The following APTX variants were observed in gnomAD, a reference collection of about 807,000 sequenced individuals.
APTX encodes the protein forkhead-associated domain histidine triad-like protein.
APTX carries 33 observed loss-of-function variants against 42.3 expected under a neutral mutation model. That is an observed-to-expected ratio of 0.78 (90% confidence interval 0.59 to 1.04). The LOEUF is 1.04. APTX is among the 50% of genes least tolerant of loss of function. The pLI, the probability that APTX is intolerant of heterozygous loss-of-function variation, is 0.00. For synonymous variants in APTX, 130 were observed against 146.7 expected (o/e 0.89, Z 0.82); for missense variants, 421 against 415.1 (o/e 1.01, Z -0.12).
At chr9:33,011,933 C>T (rs1179757379) in intron 1 of APTX, among the ~76,000 whole-genome samples, 1 of 152,216 alleles carries the variant, frequency 6.6e-6, no homozygotes, top group African/African-American at 2.4e-5. Flanking sequence ...GCACTTCAGA[C>T]TGGACGTCCA....
intron 1 of APTX, among the ~76,000 whole-genome samples, chr9:33,000,263 T>A (rs1423383957): frequency 6.6e-6 from 1 of 152,156 alleles, no homozygotes; most frequent in African/African-American, 2.4e-5. Flanking sequence ...CATTCAACAC[T>A]ATTATCACTC....
At chr9:32,976,793 AATCT>A (rs1829531070) in intron 6 of APTX, among the ~76,000 whole-genome samples, 1 of 152,224 alleles carries the variant, frequency 6.6e-6, no homozygotes, top group Admixed American at 6.5e-5. Flanking sequence ...CCAAAAGTAA[AATCT>A]ATTAAGTACA....
chr9:33,001,654 T>C (rs781070942), upstream of APTX: 18 of 1,610,328 alleles, frequency 1.1e-5, no homozygotes, highest in Non-Finnish European at 1.4e-5. Flanking sequence ...AGGCCGGCTG[T>C]ATCGCGACCA....
chr9:33,004,979 G>A (rs1387595586), upstream of APTX, among the ~76,000 whole-genome samples: 4 of 152,068 alleles, frequency 2.6e-5, no homozygotes, highest in Non-Finnish European at 5.9e-5. Flanking sequence ...CCTAATGGGT[G>A]TGAAATGGTA....
At chr9:32,981,774 T>C (rs1197737210) in intron 6 of APTX, among the ~76,000 whole-genome samples, 1 of 152,090 alleles carries the variant, frequency 6.6e-6, no homozygotes, top group Non-Finnish European at 1.5e-5. Flanking sequence ...CATTAAATGA[T>C]TGAATAAAGA....
At chr9:32,999,725 C>T (rs1835803902) in intron 1 of APTX, among the ~76,000 whole-genome samples, 1 of 152,170 alleles carries the variant, frequency 6.6e-6, no homozygotes, top group African/African-American at 2.4e-5. Context: ...CCTGTAATCC[C>T]AGCACTTTGG....
At chr9:32,982,114 T>C (rs1830814230) in intron 6 of APTX, among the ~76,000 whole-genome samples, 2 of 152,012 alleles carry the variant, frequency 1.3e-5, no homozygotes, top group Admixed American at 6.6e-5. Flanking sequence ...CCATATGACA[T>C]ATTGAGAAGG....
At position 32,984,676 on chromosome 9, in the gene APTX, C is replaced by T. The variant is rs863223909; in HGVS notation, c.725G>A (p.Ser242Asn). 2.5e-5 allele frequency: 41 copies of T among 1,614,076 alleles called. No homozygotes were observed. Among genetic ancestry groups the T allele is most frequent in the Non-Finnish European group, 3.4e-5 (40 of 1,180,038 alleles). Reference sequence around the variant, plus strand: ...GTAGCCCAATCGGAAGCGGAGTTTGCTGGACCCAGCAAAATCTACAATCAC... The same window carrying T: ...GTAGCCCAATCGGAAGCGGAGTTTGTTGGACCCAGCAAAATCTACAATCAC... ...EKVIVDFAGS[S>N]KLRFRLGYHA... Residue 242 changes from serine to asparagine, a missense_variant, in exon 6 of 8, where the codon AGC becomes AAC. Coordinates refer to ENST00000379817, the MANE Select transcript of APTX (RefSeq NM_001195248.2).
chr9:32,990,867 A>G (rs939548367), intron 1 of APTX, among the ~76,000 whole-genome samples: 26 of 152,062 alleles, frequency 1.7e-4, no homozygotes, highest in Middle Eastern at 3.4e-3. Context: ...TTAGAACAAT[A>G]TATTTCACTC....
intron 6 of APTX, among the ~76,000 whole-genome samples, chr9:32,983,785 T>C (rs1337741751): frequency 1.3e-5 from 2 of 152,138 alleles, no homozygotes; most frequent in East Asian, 1.9e-4. Flanking sequence ...ATTCCTCTAA[T>C]ATGAGGTACC....
intron 1 of APTX, among the ~76,000 whole-genome samples, chr9:32,990,734 C>T (rs887743943): frequency 2.0e-5 from 3 of 152,050 alleles, no homozygotes; most frequent in Non-Finnish European, 2.9e-5. Context: ...TATTAATGTG[C>T]GGTTTTAAAG....
chr9:33,015,544 A>C (rs1171813492), intron 1 of APTX, among the ~76,000 whole-genome samples: 3 of 152,110 alleles, frequency 2.0e-5, no homozygotes, highest in African/African-American at 7.2e-5. Context: ...TTTTTAGTAG[A>C]GACAGGGTTT....
At chr9:33,018,795 C>G (rs1437911561) in intron 1 of APTX, among the ~76,000 whole-genome samples, 1 of 152,168 alleles carries the variant, frequency 6.6e-6, no homozygotes, top group East Asian at 1.9e-4. Flanking sequence ...AGGAGAATTG[C>G]TGGAACCTGG....
At chr9:33,019,570 G>A (rs1229934957) in intron 1 of APTX, 1 of 354,668 alleles carries the variant, frequency 2.8e-6, no homozygotes, top group African/African-American at 2.1e-5. Flanking sequence ...AGCACACAAA[G>A]GCAGTACAGG....
intron 1 of APTX, among the ~76,000 whole-genome samples, chr9:33,011,546 A>G (rs1837543714): frequency 6.6e-6 from 1 of 152,042 alleles, no homozygotes; most frequent in Non-Finnish European, 1.5e-5. Flanking sequence ...CGGCCTCCCA[A>G]AGTGCTGGGA....
At chr9:33,010,596 G>A (rs894111617) in intron 1 of APTX, among the ~76,000 whole-genome samples, 2 of 151,944 alleles carry the variant, frequency 1.3e-5, no homozygotes, top group Non-Finnish European at 2.9e-5. Flanking sequence ...GCAGGCGCCT[G>A]TAACCCCAGC....
At chr9:33,019,941 G>A in intron 1 of APTX, 2 of 478,682 alleles carry the variant, frequency 4.2e-6, no homozygotes, top group Non-Finnish European at 3.8e-6. Flanking sequence ...GGCACGCTGA[G>A]GGTGAATATG....
chr9:32,974,385 G>A (rs1161731360), intron 7 of APTX, 73 bp downstream of exon 7: 27 of 1,019,504 alleles, frequency 2.6e-5, no homozygotes, highest in Non-Finnish European at 4.0e-5. Context: ...TGTTATTCAG[G>A]GAAACAACCA....
At chr9:32,992,099 G>T (rs1031185091) in intron 1 of APTX, among the ~76,000 whole-genome samples, 5 of 152,124 alleles carry the variant, frequency 3.3e-5, no homozygotes, top group African/African-American at 1.2e-4. Context: ...GGGAATTATG[G>T]GCAGAGAGAG....
Sources: allele counts gnomAD v4.1 joint callset (sites outside exome capture counted in the v4.1 genomes callset), GRCh38; gene constraint gnomAD v4.1.1; transcripts MANE v1.5; gene names NCBI Gene and HGNC (gene_info 2026-07-23, HGNC 2026-07-21).